The following MINDY2 variants were observed in gnomAD, a reference collection of about 807,000 sequenced individuals.
The protein encoded by MINDY2 is ubiquitin carboxyl-terminal hydrolase MINDY-2.
In MINDY2, 52 loss-of-function variants were observed where a neutral mutation model predicts 68.2. The ratio of observed to expected loss-of-function variants is 0.76; its 90% CI spans 0.61 to 0.96. The LOEUF (loss-of-function observed/expected upper bound fraction) is 0.96. Ranked by LOEUF, MINDY2 falls within the 40% of genes least tolerant of loss-of-function variation. MINDY2 has a pLI of 0.00. For synonymous variants in MINDY2, 372 were observed against 303.0 expected (o/e 1.23, Z -2.36); for missense variants, 881 against 773.4 (o/e 1.14, Z -1.65).
chr15:58,772,597 A>G (rs1395410869), intron 1 of MINDY2, among the ~76,000 whole-genome samples: 1 of 152,208 alleles, frequency 6.6e-6, no homozygotes, highest in African/African-American at 2.4e-5. Context: ...AGAATTGGAG[A>G]AAGTAATCTT....
Position 58,787,454 on chromosome 15 carries a change from T to C in MINDY2, c.841-452T>C, listed in dbSNP as rs186200525. On this transcript the variant is annotated intron_variant, in intron 1 of 8. Transcript: ENST00000559228. ...AGAATAATACAGTAAAGACTGGTTATAGGCTGGGTGCAGTGGCTCACACCT... is the reference window on the plus strand; with the variant it reads ...AGAATAATACAGTAAAGACTGGTTACAGGCTGGGTGCAGTGGCTCACACCT... Among the ~76,000 whole-genome samples, 219 of 152,206 alleles carry C rather than the reference T, an allele frequency of 1.4e-3. 1 individual carries two copies. The highest frequency in any genetic ancestry group is 4.9e-3 in the African/African-American group (203 of 41,560).
intron 6 of MINDY2, 106 bp downstream of exon 6, chr15:58,832,022 C>A: frequency 1.0e-6 from 1 of 997,078 alleles, no homozygotes; most frequent in South Asian, 2.0e-5. Flanking sequence ...CGTAATATTT[C>A]TTAACCATCA....
At chr15:58,827,180 G>A (rs546409284) in intron 5 of MINDY2, among the ~76,000 whole-genome samples, 10 of 152,246 alleles carry the variant, frequency 6.6e-5, no homozygotes, top group Non-Finnish European at 1.0e-4. Flanking sequence ...GATAATATCT[G>A]CCAGGTTTTT....
rs778017521 is a variant in MINDY2 at position 58,810,289 on chromosome 15, A to G, written c.1023A>G (p.Val341=). 9.3e-6 allele frequency: 15 copies of G among 1,613,932 alleles called. No homozygotes were observed. The highest frequency in any genetic ancestry group is 1.1e-5 in the Non-Finnish European group (13 of 1,179,932). Residue 341 remains valine, a synonymous_variant, in exon 4 of 9, where the codon GTA becomes GTG. Transcript: ENST00000559228. The part of the protein sequence containing the change: ...HKLQTGLDVN[V]RFTGVRVFEY... ...TACAGACAGGCCTGGATGTAAATGT[A>G]AGATTCACTGGTGTTCGAGTGTTTG...
At chr15:58,775,702 C>T (rs1309899394) in intron 1 of MINDY2, among the ~76,000 whole-genome samples, 1 of 151,852 alleles carries the variant, frequency 6.6e-6, no homozygotes, top group Non-Finnish European at 1.5e-5. Flanking sequence ...CTGGATCTTT[C>T]CAAAGATAGG....
At chr15:58,803,468 T>C (rs1367292934) in intron 3 of MINDY2, among the ~76,000 whole-genome samples, 1 of 122,980 alleles carries the variant, frequency 8.1e-6, no homozygotes, top group African/African-American at 3.0e-5. Context: ...CTCTGTCTCA[T>C]AAAAAAAAAA....
intron 3 of MINDY2, among the ~76,000 whole-genome samples, chr15:58,807,791 C>T (rs544086728): frequency 2.6e-5 from 4 of 152,264 alleles, no homozygotes; most frequent in South Asian, 2.1e-4. Context: ...GACTTTATCT[C>T]CTACAACTTT....
rs2032992861 is a variant in MINDY2, at chr15:58,854,558, G to A, written c.1814G>A (p.Arg605Gln). The change falls in exon 9 of 9, where the codon CGA becomes CAA. Residue 605 changes from arginine to glutamine, a missense_variant. Coordinates refer to ENST00000559228, the MANE Select transcript of MINDY2 (RefSeq NM_001040450.3). ...AGTGAACGTAAACGGAAGGAACCAC[G>A]AGAAAAAGATAAAGAAAAAGAAAAG... Reference protein sequence around the residue: ...GNSERKRKEPREKDKEKEKEK... With the variant: ...GNSERKRKEPQEKDKEKEKEK... 1.9e-6 allele frequency: 3 copies of A among 1,613,252 alleles called. No individual in the cohort carries two copies. The highest frequency in any genetic ancestry group is 2.2e-5 in the East Asian group (1 of 44,858).
chr15:58,841,998 C>T (rs986620886), intron 6 of MINDY2, among the ~76,000 whole-genome samples: 3 of 151,826 alleles, frequency 2.0e-5, no homozygotes, highest in Non-Finnish European at 4.4e-5. Flanking sequence ...TTTTATGGCC[C>T]TCCTTCACCA....
At chr15:58,781,086 G>A (rs945282836) in intron 1 of MINDY2, among the ~76,000 whole-genome samples, 9 of 151,882 alleles carry the variant, frequency 5.9e-5, no homozygotes, top group Admixed American at 3.9e-4. Context: ...TTTCATTCTT[G>A]TTGCCCAGGC....
intron 6 of MINDY2, among the ~76,000 whole-genome samples, chr15:58,833,224 C>G (rs954542399): frequency 6.6e-6 from 1 of 152,156 alleles, no homozygotes. Flanking sequence ...GATAAAAATA[C>G]AAGATATGTT....
Position 58,798,327 on chromosome 15 carries a change from A to T in MINDY2, c.899-3986A>T, listed in dbSNP as rs185522857. On this transcript the variant is annotated intron_variant, in intron 2 of 8. Transcript: ENST00000559228. Reference sequence around the variant, plus strand: ...TTTTTAGTAGAGATGGGATTTGTCTATGTTGGCCAGGCTGATCTCGAACTC... The same window carrying T: ...TTTTTAGTAGAGATGGGATTTGTCTTTGTTGGCCAGGCTGATCTCGAACTC... Among the ~76,000 whole-genome samples the T allele has an allele frequency of 3.2e-3, 467 of 144,972 alleles. 8 individuals carry two copies. Among genetic ancestry groups the T allele is most frequent in the East Asian group, 8.2e-4 (4 of 4,860 alleles).
intron 3 of MINDY2, among the ~76,000 whole-genome samples, chr15:58,808,169 A>G (rs1271673716): frequency 6.6e-6 from 1 of 152,120 alleles, no homozygotes; most frequent in Non-Finnish European, 1.5e-5. Flanking sequence ...CCCACTGTCA[A>G]CATCCCGCAT....
chr15:58,855,968 A>C lies in MINDY2; in HGVS notation c.*1358A>C, dbSNP rs574475766. 6.5e-6 allele frequency: 1 copy of C among 152,786 alleles called. No individual in the cohort carries two copies. Among genetic ancestry groups the C allele is most frequent in the Non-Finnish European group, 1.5e-5 (1 of 68,036 alleles). The allele number at this position is 152,786 out of a possible 1,614,324, so 9.5% of individuals were successfully genotyped here. On this transcript the variant is annotated 3_prime_UTR_variant, in exon 9 of 9. Coordinates refer to ENST00000559228, the MANE Select transcript of MINDY2 (RefSeq NM_001040450.3). ...GCTAAGAATTTATGTAAAAGCAATC[A>C]GAGTTTTTAATTTATGGGAACCAAA...
intron 8 of MINDY2, among the ~76,000 whole-genome samples, chr15:58,852,293 A>AAAAAAT: frequency 6.7e-6 from 1 of 149,868 alleles, no homozygotes; most frequent in African/African-American, 2.4e-5. Flanking sequence ...TTCTCAAAAA[A>AAAAAAT]AAAAAAAAAA....
At chr15:58,789,708 C>T (rs762784012) in intron 2 of MINDY2, among the ~76,000 whole-genome samples, 3 of 152,132 alleles carry the variant, frequency 2.0e-5, no homozygotes, top group Middle Eastern at 3.4e-3. Flanking sequence ...AGTGCAATGG[C>T]GTGATCTCAG....
intron 2 of MINDY2, among the ~76,000 whole-genome samples, chr15:58,789,164 C>T (rs901279091): frequency 1.3e-5 from 2 of 152,130 alleles, no homozygotes; most frequent in African/African-American, 4.8e-5. Context: ...GGTGAAACTC[C>T]GTCTCGACTA....
At position 58,854,510 on chromosome 15, in the gene MINDY2, C is replaced by CAAGTGGA. The variant is rs1224308146; in HGVS notation, c.1768_1774dup (p.Arg592LysfsTer8). ...GGCCAGCCAGCACAAGCCTCTCCAT[C>CAAGTGGA]AAGTGGAAGACAATCTGGGAATAGT... On this transcript the variant is annotated frameshift_variant, in exon 9 of 9. Transcript: ENST00000559228. LOFTEE classifies it high-confidence loss of function. 6.2e-7 allele frequency: 1 copy of CAAGTGGA among 1,613,500 alleles called. No individual in the cohort carries two copies. Among genetic ancestry groups the CAAGTGGA allele is most frequent in the East Asian group, 2.2e-5 (1 of 44,850 alleles).
Position 58,849,768 on chromosome 15 carries a change from G to A in MINDY2, c.1543-2003G>A, listed in dbSNP as rs146246265. Among the ~76,000 whole-genome samples the A allele has an allele frequency of 2.3e-3, 352 of 152,142 alleles. 1 individual carries two copies. The highest frequency in any genetic ancestry group is 8.1e-3 in the African/African-American group (335 of 41,506). ...AACCTTTTTTATTTTTTGAGACAGG[G>A]TCTCACTCTGTCACCAAGGCTAGAG... On this transcript the variant is annotated intron_variant, in intron 7 of 8. Transcript: ENST00000559228.
Sources: allele counts gnomAD v4.1 joint callset (sites outside exome capture counted in the v4.1 genomes callset), GRCh38; gene constraint gnomAD v4.1.1; transcripts MANE v1.5; gene names NCBI Gene and HGNC (gene_info 2026-07-23, HGNC 2026-07-21).